The following RGPD2 variants were observed in gnomAD, a reference collection of about 807,000 sequenced individuals.
RGPD2 encodes RANBP2 like and GRIP domain containing 2, also known as RANBP2-like and GRIP domain-containing protein 2.
A neutral mutation model predicts 36.0 loss-of-function variants in RGPD2; 2 were observed. That is an observed-to-expected ratio of 0.06 (90% CI 0.02 to 0.17). RGPD2 has a LOEUF of 0.17. Among genes scored for constraint, RGPD2 ranks in the 10% least tolerant of loss-of-function variants. The probability of loss-of-function intolerance (pLI) is 1.00; values close to 1 mark genes in which losing one functional copy is unlikely to be tolerated. For missense variants in RGPD2, 40 were observed against 464.3 expected (o/e 0.09, Z 8.40); for synonymous variants, 19 against 163.8 (o/e 0.12, Z 6.75).
the RGPD2 span, among the ~76,000 whole-genome samples, chr2:87,841,530 G>A: frequency 6.6e-6 from 1 of 152,008 alleles, no homozygotes; most frequent in Non-Finnish European, 1.5e-5. Context: ...CAATTTCAGA[G>A]CCTGTTATTG....
the RGPD2 span, among the ~76,000 whole-genome samples, chr2:87,980,351 CAAA>C: frequency 5.9e-4 from 2 of 3,390 alleles, no homozygotes; most frequent in African/African-American, 5.9e-4. Flanking sequence ...TACTCCGTCT[CAAA>C]AAAAAAAAAA....
the RGPD2 span, among the ~76,000 whole-genome samples, chr2:87,863,777 A>G: frequency 1.3e-5 from 2 of 152,110 alleles, no homozygotes; most frequent in South Asian, 4.1e-4. Flanking sequence ...GTTATTCTAT[A>G]ATAATTTAAA....
the RGPD2 span, among the ~76,000 whole-genome samples, chr2:87,846,230 A>G: frequency 2.0e-5 from 3 of 151,950 alleles, no homozygotes; most frequent in African/African-American, 7.2e-5. Flanking sequence ...AGTACAATTC[A>G]ATGGCTTTTA....
chr2:87,915,361 A>ATATATATATGTATATTATATATTG, the RGPD2 span, among the ~76,000 whole-genome samples: 2 of 90,736 alleles, frequency 2.2e-5, no homozygotes, highest in African/African-American at 8.1e-5. Context: ...TATATATTAT[A>ATATATATATGTATATTATATATTG]TATATATGTA....
chr2:87,938,329 A>C, the RGPD2 span, among the ~76,000 whole-genome samples: 75 of 151,894 alleles, frequency 4.9e-4, no homozygotes, highest in African/African-American at 1.7e-3. Context: ...ACAGCCCAGA[A>C]AGAAATGAGC....
the RGPD2 span, among the ~76,000 whole-genome samples, chr2:87,873,128 A>G: frequency 1.3e-5 from 2 of 152,178 alleles, no homozygotes; most frequent in Admixed American, 6.5e-5. Flanking sequence ...TGCTGAGGAT[A>G]ATACCTTCCA....
chr2:87,907,463 A>AAAAAAAG, the RGPD2 span, among the ~76,000 whole-genome samples: 3 of 20,470 alleles, frequency 1.5e-4, no homozygotes, highest in Non-Finnish European at 2.7e-4. Context: ...AAAAAAAAAA[A>AAAAAAAG]GAATTGTGGG....
the RGPD2 span, among the ~76,000 whole-genome samples, chr2:87,844,906 T>G: frequency 8.0e-6 from 1 of 125,340 alleles, no homozygotes; most frequent in Non-Finnish European, 1.6e-5. Context: ...TGTAGTTGCC[T>G]CTTTTGCATT....
the RGPD2 span, among the ~76,000 whole-genome samples, chr2:87,877,699 G>T: frequency 6.6e-6 from 1 of 151,704 alleles, no homozygotes; most frequent in African/African-American, 2.4e-5. Context: ...CAGCTACTCG[G>T]GAGTCTGAGG....
At chr2:87,950,785 A>G in the RGPD2 span, among the ~76,000 whole-genome samples, 1 of 148,734 alleles carries the variant, frequency 6.7e-6, no homozygotes. Context: ...TGAGGAACTG[A>G]GGCCACATAA....
the RGPD2 span, among the ~76,000 whole-genome samples, chr2:87,913,930 C>A: frequency 6.6e-6 from 1 of 152,102 alleles, no homozygotes; most frequent in African/African-American, 2.4e-5. Flanking sequence ...TTACTGATCA[C>A]TATTAAGCTA....
At chr2:87,858,144 G>T in the RGPD2 span, among the ~76,000 whole-genome samples, 1 of 152,140 alleles carries the variant, frequency 6.6e-6, no homozygotes, top group Non-Finnish European at 1.5e-5. Flanking sequence ...CAGGCATGGT[G>T]GTGCGTGCCT....
chr2:87,815,267 TGAATTTTTTCA>T (rs1686253701), intron 4 of RGPD2, among the ~76,000 whole-genome samples: 1 of 97,258 alleles, frequency 1.0e-5, no homozygotes, highest in Non-Finnish European at 1.9e-5. Flanking sequence ...TTTCAGATTT[TGAATTTTTTCA>T]GACTTTGGAA....
the RGPD2 span, among the ~76,000 whole-genome samples, chr2:87,870,711 A>G: frequency 6.6e-6 from 1 of 151,992 alleles, no homozygotes; most frequent in East Asian, 1.9e-4. Context: ...TCGAACTTTT[A>G]TGCGTGCCCA....
the RGPD2 span, among the ~76,000 whole-genome samples, chr2:87,861,165 T>G: frequency 6.7e-6 from 1 of 150,364 alleles, no homozygotes; most frequent in African/African-American, 2.4e-5. Flanking sequence ...TTTTGAAAAT[T>G]AACAATGGCT....
the RGPD2 span, among the ~76,000 whole-genome samples, chr2:87,885,172 T>C: frequency 6.6e-6 from 1 of 152,028 alleles, no homozygotes; most frequent in African/African-American, 2.4e-5. Flanking sequence ...GTGGGATTTA[T>C]CCCTGGGATG....
the RGPD2 span, among the ~76,000 whole-genome samples, chr2:87,834,545 G>A: frequency 6.6e-6 from 1 of 151,938 alleles, no homozygotes; most frequent in Non-Finnish European, 1.5e-5. Context: ...TAGATTTTTT[G>A]CTTACTAGTA....
At chr2:87,957,532 C>A in the RGPD2 span, among the ~76,000 whole-genome samples, 8 of 151,748 alleles carry the variant, frequency 5.3e-5, no homozygotes, top group Non-Finnish European at 7.4e-5. Context: ...GCCGTACCTT[C>A]GTATAATGGA....
At chr2:87,933,644 G>C in the RGPD2 span, among the ~76,000 whole-genome samples, 1 of 148,504 alleles carries the variant, frequency 6.7e-6, no homozygotes, top group Non-Finnish European at 1.5e-5. Flanking sequence ...AGTTTTGAAG[G>C]AACAGGTGGT....
Sources: allele counts gnomAD v4.1 joint callset (sites outside exome capture counted in the v4.1 genomes callset), GRCh38; gene constraint gnomAD v4.1.1; transcripts MANE v1.5; gene names NCBI Gene and HGNC (gene_info 2026-07-23, HGNC 2026-07-21).